Variants in CLDN10 observed in about 807,000 individuals in gnomAD.
The protein encoded by CLDN10 is claudin 10, also known as claudin-10.
In CLDN10, 15 loss-of-function variants were observed where a neutral mutation model predicts 22.9. The observed-to-expected ratio is 0.65, with a 90% confidence interval of 0.44 to 1.01. The LOEUF is 1.01. Among genes scored for constraint, CLDN10 ranks in the 50% least tolerant of loss-of-function variants. The pLI is 0.00. For missense variants in CLDN10, 247 were observed against 287.8 expected (o/e 0.86, Z 1.03); for synonymous variants, 114 against 111.4 (o/e 1.02, Z -0.15).
In CLDN10 at chr13:95,560,401, A is replaced by C. The variant is rs79906565; in HGVS notation, c.402A>C (p.Gly134=). 2,701 of 1,614,072 alleles carry C rather than the reference A, an allele frequency of 1.7e-3. 43 individuals carry two copies. The African/African-American group carries it at 0.031, about 19-fold the overall frequency. Reference sequence around the variant, plus strand: ...TGTTAGGGCTGTGCTCAATGACTGGATGTTCCCTATATGCAAACAAAATCA... The same window carrying C: ...TGTTAGGGCTGTGCTCAATGACTGGCTGTTCCCTATATGCAAACAAAATCA... ...FILSGLCSMT[G]CSLYANKITT... is the part of the protein sequence containing the mutation. Residue 134 remains glycine (G), a synonymous_variant, in exon 3 of 5, where the codon GGA becomes GGC. Coordinates refer to ENST00000299339, the MANE Select transcript of CLDN10 (RefSeq NM_006984.5).
At chr13:95,536,154 T>A (rs932529002) in intron 1 of CLDN10, among the ~76,000 whole-genome samples, 1 of 146,078 alleles carries the variant, frequency 6.8e-6, no homozygotes, top group Admixed American at 7.1e-5. Context: ...AAGATATCTT[T>A]AAATACATTT....
intron 3 of CLDN10, among the ~76,000 whole-genome samples, chr13:95,564,231 C>T (rs1235731202): frequency 6.6e-6 from 1 of 152,088 alleles, no homozygotes; most frequent in Non-Finnish European, 1.5e-5. Flanking sequence ...TAGCACAGTA[C>T]CTAGAAGTGA....
chr13:95,539,339 T>C (rs2043435939), intron 1 of CLDN10, among the ~76,000 whole-genome samples: 3 of 152,252 alleles, frequency 2.0e-5, no homozygotes. Context: ...GGCATTACAA[T>C]TGGATTGTGA....
intron 1 of CLDN10, 149 bp downstream of exon 1, chr13:95,553,122 C>G: frequency 1.7e-6 from 2 of 1,148,658 alleles, no homozygotes; most frequent in East Asian, 2.6e-5. Flanking sequence ...CCTTAGGGAG[C>G]CAGGGACGCT....
intron 1 of CLDN10, among the ~76,000 whole-genome samples, chr13:95,462,296 T>C (rs1406917098): frequency 6.6e-6 from 1 of 152,232 alleles, no homozygotes; most frequent in Admixed American, 6.5e-5. Context: ...AAACATTGCC[T>C]TTCAATACTA....
intron 1 of CLDN10, among the ~76,000 whole-genome samples, chr13:95,440,940 C>T (rs1390250805): frequency 6.6e-6 from 1 of 152,182 alleles, no homozygotes; most frequent in African/African-American, 2.4e-5. Flanking sequence ...AAGCAGTGTG[C>T]TGCAGGCTGT....
chr13:95,451,977 TA>T (rs2042435995), intron 1 of CLDN10, among the ~76,000 whole-genome samples: 2 of 152,202 alleles, frequency 1.3e-5, no homozygotes, highest in African/African-American at 2.4e-5. Context: ...AGAAAGTATT[TA>T]ATACACATCT....
At chr13:95,519,200 A>G (rs2043200228) in intron 1 of CLDN10, among the ~76,000 whole-genome samples, 1 of 152,212 alleles carries the variant, frequency 6.6e-6, no homozygotes, top group Non-Finnish European at 1.5e-5. Flanking sequence ...TATAGAAAAC[A>G]CAGGTAACAG....
intron 1 of CLDN10, among the ~76,000 whole-genome samples, chr13:95,503,845 T>G (rs1246391513): frequency 3.3e-5 from 5 of 152,094 alleles, no homozygotes; most frequent in Non-Finnish European, 7.4e-5. Context: ...GAGGGAGAAA[T>G]GGCGGGCTGT....
At chr13:95,476,476 G>A (rs1242162930) in intron 1 of CLDN10, among the ~76,000 whole-genome samples, 1 of 152,088 alleles carries the variant, frequency 6.6e-6, no homozygotes, top group Non-Finnish European at 1.5e-5. Flanking sequence ...CATTAATGGG[G>A]GCTCCACCCT....
At chr13:95,502,886 G>A (rs1467907524) in intron 1 of CLDN10, among the ~76,000 whole-genome samples, 1 of 152,198 alleles carries the variant, frequency 6.6e-6, no homozygotes, top group African/African-American at 2.4e-5. Context: ...CAGTAAAAAG[G>A]TCTTCAGCAA....
intron 1 of CLDN10, among the ~76,000 whole-genome samples, chr13:95,447,003 C>T (rs978747933): frequency 7.9e-5 from 12 of 151,922 alleles, no homozygotes; most frequent in Admixed American, 5.2e-4. Context: ...CGAGTGATGG[C>T]GGGGGCAGGG....
chr13:95,474,418 A>G (rs1105772), intron 1 of CLDN10, among the ~76,000 whole-genome samples: 17,700 of 152,222 alleles, frequency 0.12, 1,190 homozygotes, highest in South Asian at 0.25. Flanking sequence ...CTCCTGCTGT[A>G]CGGCCTAGTT....
intron 1 of CLDN10, among the ~76,000 whole-genome samples, chr13:95,474,995 G>C (rs534971324): frequency 2.6e-4 from 39 of 152,274 alleles, no homozygotes; most frequent in African/African-American, 9.1e-4. Flanking sequence ...TGGAGAGGAG[G>C]GTTCAAAACT....
chr13:95,556,833 C>T (rs1180167617), intron 1 of CLDN10, among the ~76,000 whole-genome samples: 2 of 152,244 alleles, frequency 1.3e-5, no homozygotes, highest in African/African-American at 4.8e-5. Flanking sequence ...ATTGTCTCCA[C>T]CAAGTGGATG....
At chr13:95,545,423 A>G (rs2043498138) in intron 1 of CLDN10, among the ~76,000 whole-genome samples, 1 of 151,990 alleles carries the variant, frequency 6.6e-6, no homozygotes, top group Admixed American at 6.6e-5. Flanking sequence ...CATGCCTGGT[A>G]TCCCAGCTAC....
chr13:95,526,596 T>G (rs2043283391), intron 1 of CLDN10, among the ~76,000 whole-genome samples: 1 of 152,142 alleles, frequency 6.6e-6, no homozygotes, highest in African/African-American at 2.4e-5. Flanking sequence ...GGGACCAGCC[T>G]GGACAACATG....
At chr13:95,448,885 G>A (rs992100015) in intron 1 of CLDN10, among the ~76,000 whole-genome samples, 3 of 148,822 alleles carry the variant, frequency 2.0e-5, no homozygotes, top group Admixed American at 6.7e-5. Context: ...GATTATAGGC[G>A]CATGCCACCA....
intron 1 of CLDN10, chr13:95,533,904 C>G (rs549086581): frequency 2.6e-5 from 4 of 152,406 alleles, no homozygotes; most frequent in Non-Finnish European, 5.9e-5. Flanking sequence ...GTCTGCCAGG[C>G]TCTCCTCCCC....
Sources: allele counts gnomAD v4.1 joint callset (sites outside exome capture counted in the v4.1 genomes callset), GRCh38; gene constraint gnomAD v4.1.1; transcripts MANE v1.5; gene names NCBI Gene and HGNC (gene_info 2026-07-23, HGNC 2026-07-21).